The following GRIK3 variants were observed in gnomAD, a reference collection of about 807,000 sequenced individuals.
GRIK3 encodes the protein glutamate receptor ionotropic, kainate 3.
In GRIK3, 29 loss-of-function variants were observed where a neutral mutation model predicts 102.5. That is an observed-to-expected ratio of 0.28 (90% confidence interval 0.21 to 0.39). The LOEUF is 0.39. Among genes scored for constraint, GRIK3 ranks in the 10% least tolerant of loss-of-function variants. The pLI, the probability that GRIK3 is intolerant of heterozygous loss-of-function variation, is 1.00. For missense variants in GRIK3, 908 were observed against 1,252.4 expected (o/e 0.73, Z 4.15); for synonymous variants, 511 against 504.9 (o/e 1.01, Z -0.16).
At chr1:36,963,368 C>T (rs545300997) in intron 1 of GRIK3, among the ~76,000 whole-genome samples, 4 of 152,174 alleles carry the variant, frequency 2.6e-5, no homozygotes, top group African/African-American at 7.2e-5. Context: ...CCAGGCAGAA[C>T]GTGAGAGTCA....
intron 1 of GRIK3, among the ~76,000 whole-genome samples, chr1:36,913,723 C>T (rs1268965643): frequency 1.3e-5 from 2 of 152,082 alleles, no homozygotes; most frequent in Admixed American, 6.5e-5. Context: ...CACAGCAGGG[C>T]CTTTGGCTTT....
chr1:36,950,056 G>A (rs1367620412), intron 1 of GRIK3, among the ~76,000 whole-genome samples: 1 of 152,122 alleles, frequency 6.6e-6, no homozygotes, highest in South Asian at 2.1e-4. Context: ...TGCTCTAAAA[G>A]TGTGCCAGAT....
At chr1:37,017,056 A>C (rs967540302) in intron 1 of GRIK3, among the ~76,000 whole-genome samples, 9 of 151,996 alleles carry the variant, frequency 5.9e-5, no homozygotes, top group Admixed American at 3.3e-4. Context: ...CTCTAATAAA[A>C]GTACAAAAAT....
chr1:36,828,477 T>C (rs749639020), intron 10 of GRIK3, among the ~76,000 whole-genome samples: 11 of 152,190 alleles, frequency 7.2e-5, no homozygotes, highest in Admixed American at 1.3e-4. Context: ...CAGTATTCAG[T>C]AGAGTAGCAT....
intron 1 of GRIK3, among the ~76,000 whole-genome samples, chr1:36,928,997 T>G (rs1641559904): frequency 6.6e-6 from 1 of 152,348 alleles, no homozygotes; most frequent in South Asian, 2.1e-4. Context: ...ATTATGTTAC[T>G]TGAATCCCTT....
At chr1:36,907,516 G>C (rs1277685822) in intron 1 of GRIK3, among the ~76,000 whole-genome samples, 1 of 152,174 alleles carries the variant, frequency 6.6e-6, no homozygotes, top group Non-Finnish European at 1.5e-5. Flanking sequence ...CTGCTGTTTG[G>C]AGGAAGGCGA....
chr1:37,015,990 C>T (rs1184366865), intron 1 of GRIK3, among the ~76,000 whole-genome samples: 1 of 152,240 alleles, frequency 6.6e-6, no homozygotes, highest in Non-Finnish European at 1.5e-5. Context: ...ATTTCCTGCC[C>T]AGCACATGTT....
intron 1 of GRIK3, among the ~76,000 whole-genome samples, chr1:36,898,916 GACT>G (rs1386778247): frequency 2.0e-5 from 3 of 152,088 alleles, no homozygotes. Context: ...AAGGTGCTAA[GACT>G]ACTGAATGGG....
intron 1 of GRIK3, among the ~76,000 whole-genome samples, chr1:36,998,919 T>C (rs960378251): frequency 6.6e-6 from 1 of 152,046 alleles, no homozygotes; most frequent in Non-Finnish European, 1.5e-5. Context: ...CTAGCAGGGT[T>C]TGCAGCTCCC....
intron 9 of GRIK3, among the ~76,000 whole-genome samples, chr1:36,842,149 G>A (rs922518178): frequency 1.3e-5 from 2 of 152,246 alleles, no homozygotes; most frequent in East Asian, 3.9e-4. Context: ...GGTACAGGGC[G>A]GGAGCTCAGT....
chr1:36,858,349 G>C (rs1570764022), intron 7 of GRIK3, among the ~76,000 whole-genome samples: 1 of 152,188 alleles, frequency 6.6e-6, no homozygotes, highest in Admixed American at 6.5e-5. Flanking sequence ...TTGTAACAGA[G>C]CCAGGATGCA....
At chr1:36,878,519 G>A (rs758467198) in intron 3 of GRIK3, among the ~76,000 whole-genome samples, 56 of 152,248 alleles carry the variant, frequency 3.7e-4, no homozygotes, top group Non-Finnish European at 1.3e-4. Flanking sequence ...GCTGAGAGCT[G>A]GAGGGCTCTT....
chr1:36,820,512 A>G (rs1642683985), intron 11 of GRIK3, among the ~76,000 whole-genome samples: 1 of 152,240 alleles, frequency 6.6e-6, no homozygotes, highest in African/African-American at 2.4e-5. Flanking sequence ...GTCTCTAGAT[A>G]AAAACTATCA....
At chr1:36,939,943 G>A (rs760501777) in intron 1 of GRIK3, among the ~76,000 whole-genome samples, 9 of 152,104 alleles carry the variant, frequency 5.9e-5, no homozygotes, top group East Asian at 1.9e-4. Context: ...GAGGTCCCTC[G>A]GTGATCCCTC....
intron 1 of GRIK3, among the ~76,000 whole-genome samples, chr1:36,944,794 C>T (rs922701661): frequency 1.3e-5 from 2 of 152,222 alleles, no homozygotes; most frequent in African/African-American, 4.8e-5. Flanking sequence ...GAACAACCAC[C>T]TTGACGTCTC....
At chr1:36,916,111 T>C (rs929763154) in intron 1 of GRIK3, among the ~76,000 whole-genome samples, 13 of 152,314 alleles carry the variant, frequency 8.5e-5, no homozygotes, top group African/African-American at 3.1e-4. Context: ...ATGAGGAACT[T>C]GTTGGAAACT....
At chr1:36,899,828 A>C (rs972594965) in intron 1 of GRIK3, among the ~76,000 whole-genome samples, 2 of 152,234 alleles carry the variant, frequency 1.3e-5, no homozygotes, top group African/African-American at 4.8e-5. Context: ...AAAGAGAAGC[A>C]TTACATAATG....
At chr1:37,027,090 T>C (rs1642772325) in intron 1 of GRIK3, among the ~76,000 whole-genome samples, 1 of 152,042 alleles carries the variant, frequency 6.6e-6, no homozygotes, top group East Asian at 1.9e-4. Context: ...CAGAAAACCA[T>C]GGCCAAGGTC....
intron 1 of GRIK3, among the ~76,000 whole-genome samples, chr1:36,966,099 C>T (rs1053354386): frequency 1.3e-5 from 2 of 152,230 alleles, no homozygotes; most frequent in South Asian, 4.1e-4. Context: ...TCCCAAGAGA[C>T]AGGGGTATAG....
Sources: allele counts gnomAD v4.1 joint callset (sites outside exome capture counted in the v4.1 genomes callset), GRCh38; gene constraint gnomAD v4.1.1; transcripts MANE v1.5; gene names NCBI Gene and HGNC (gene_info 2026-07-23, HGNC 2026-07-21).